Variants in PPP2R2B observed in about 807,000 individuals in gnomAD.
PPP2R2B encodes serine/threonine-protein phosphatase 2A 55 kDa regulatory subunit B beta isoform.
PPP2R2B carries 5 observed loss-of-function variants against 46.0 expected under a neutral mutation model. The observed-to-expected ratio is 0.11, with a 90% CI of 0.06 to 0.23. The LOEUF (loss-of-function observed/expected upper bound fraction) is 0.23, where lower values mean the gene tolerates loss of function less well. Ranked by LOEUF, PPP2R2B falls within the 10% of genes least tolerant of loss-of-function variation. The probability of loss-of-function intolerance (pLI) is 1.00; values close to 1 mark genes in which losing one functional copy is unlikely to be tolerated. For synonymous variants in PPP2R2B, 215 were observed against 206.7 expected (o/e 1.04, Z -0.34); for missense variants, 367 against 575.0 (o/e 0.64, Z 3.70).
chr5:146,780,552 A>G (rs1159652387), intron 2 of PPP2R2B, among the ~76,000 whole-genome samples: 1 of 152,204 alleles, frequency 6.6e-6, no homozygotes, highest in Non-Finnish European at 1.5e-5. Context: ...TACATTTTCT[A>G]CAATTATCTT....
intron 2 of PPP2R2B, among the ~76,000 whole-genome samples, chr5:146,804,185 T>A (rs974956503): frequency 4.0e-5 from 6 of 151,830 alleles, no homozygotes; most frequent in Admixed American, 3.3e-4. Flanking sequence ...AAAATTATAT[T>A]ATATAATTAT....
intron 1 of PPP2R2B, among the ~76,000 whole-genome samples, chr5:146,922,925 TA>T (rs1763656222): frequency 6.6e-6 from 1 of 152,120 alleles, no homozygotes. Context: ...TGTAGAACAA[TA>T]AAGATCCGGA....
chr5:146,928,079 A>T (rs535841384), intron 1 of PPP2R2B, among the ~76,000 whole-genome samples: 2 of 152,212 alleles, frequency 1.3e-5, no homozygotes, highest in East Asian at 3.9e-4. Flanking sequence ...AATTCATCGC[A>T]CTATCTGCTG....
chr5:146,643,492 G>C (rs1018925069), intron 6 of PPP2R2B, among the ~76,000 whole-genome samples: 7 of 152,222 alleles, frequency 4.6e-5, no homozygotes, highest in Non-Finnish European at 1.0e-4. Context: ...AGATTGAATA[G>C]AAGGAAGGTT....
intron 7 of PPP2R2B, among the ~76,000 whole-genome samples, chr5:146,636,103 C>G (rs1353853568): frequency 1.3e-5 from 2 of 152,148 alleles, no homozygotes; most frequent in African/African-American, 4.8e-5. Context: ...TCTAACTTTC[C>G]TACCTTTATT....
intron 2 of PPP2R2B, among the ~76,000 whole-genome samples, chr5:146,720,830 C>G (rs994276029): frequency 1.3e-5 from 2 of 152,124 alleles, no homozygotes; most frequent in African/African-American, 4.8e-5. Flanking sequence ...GTAAAGAAGA[C>G]TTCACTCTCT....
In PPP2R2B at chr5:146,878,395, G is replaced by A; in HGVS notation, c.-125+196C>T. On this transcript the variant is annotated intron_variant, in intron 1 of 9. Transcript: ENST00000394411. This position sits in a 1 kb window ranked among gnomAD's most constrained non-coding sequence, Gnocchi z 4.5. Reference sequence around the variant, plus strand: ...AGATACGCCGTGCCCCGAGGGGTCTGGTCCCGCCCGCCCGCCCCGGAGGCG... The same window carrying A: ...AGATACGCCGTGCCCCGAGGGGTCTAGTCCCGCCCGCCCGCCCCGGAGGCG... 7.0e-7 allele frequency: 1 copy of A among 1,424,950 alleles called. No homozygotes were observed. Among genetic ancestry groups the A allele is most frequent in the Non-Finnish European group, 9.1e-7 (1 of 1,094,900 alleles). The allele number at this position is 1,424,950 out of a possible 1,614,324, so 88.3% of individuals were successfully genotyped here.
Position 146,837,337 on chromosome 5 carries a change from CAGA to C in PPP2R2B, c.70+40662_70+40664del, listed in dbSNP as rs929310908. ...GTAGGCTAGGCTTAGTTATGATTTT[CAGA>C]AGATTACGTGTATTAAATGCATTTT... On this transcript the variant is annotated intron_variant, in intron 2 of 9. Coordinates refer to ENST00000394411, the MANE Select transcript of PPP2R2B (RefSeq NM_181675.4). Among the ~76,000 whole-genome samples, 11 of 152,308 alleles carry C rather than the reference CAGA, an allele frequency of 7.2e-5. No individual in the cohort carries two copies. The East Asian group carries it at 1.9e-3, about 27-fold the overall frequency.
chr5:147,067,638 A>T (rs1757453802), intron 2 of PPP2R2B, among the ~76,000 whole-genome samples: 1 of 152,286 alleles, frequency 6.6e-6, no homozygotes, highest in South Asian at 2.1e-4. Flanking sequence ...ACATAACTTC[A>T]TTCTGTCTGT....
chr5:146,772,435 T>C (rs1336247138), intron 2 of PPP2R2B, among the ~76,000 whole-genome samples: 1 of 137,490 alleles, frequency 7.3e-6, no homozygotes, highest in African/African-American at 2.7e-5. Flanking sequence ...TATATATACT[T>C]ATTTCTAAAT....
intron 7 of PPP2R2B, among the ~76,000 whole-genome samples, chr5:146,608,098 G>A (rs112582641): frequency 2.9e-3 from 440 of 152,312 alleles, no homozygotes; most frequent in African/African-American, 0.01. Flanking sequence ...TTGGCTGTAT[G>A]CCATAGTTTG....
chr5:147,013,363 T>C (rs1754835542), intron 1 of PPP2R2B, among the ~76,000 whole-genome samples: 1 of 91,588 alleles, frequency 1.1e-5, no homozygotes, highest in African/African-American at 3.3e-5. Context: ...ATGCCTTTCT[T>C]CACAGAATTG....
rs145747835 is a variant in PPP2R2B, at chr5:146,900,554, T to TCTTCCTTCCTTC, written c.79+155099_79+155110dup. Among the ~76,000 whole-genome samples, 9 of 110,140 alleles carry TCTTCCTTCCTTC rather than the reference T, an allele frequency of 8.2e-5. No homozygotes were observed. In the South Asian group the frequency reaches 1.1e-3, roughly 13 times the overall value. 72.3% of individuals were successfully genotyped at this position (110,140 alleles called of 152,430 possible). On this transcript the variant is annotated intron_variant, in intron 1 of 8. Transcript: ENST00000336640. ...TCCTTTCCTTTCTTTTTCCTTCCTT[T>TCTTCCTTCCTTC]CTTCCTTCCTTCCTTCCTTCCTTCC... is the stretch of plus-strand genomic sequence containing the variant.
chr5:146,809,096 T>C (rs1176013800), intron 2 of PPP2R2B, among the ~76,000 whole-genome samples: 1 of 152,018 alleles, frequency 6.6e-6, no homozygotes, highest in Non-Finnish European at 1.5e-5. Context: ...TTATGTATTG[T>C]ATGGATCCAA....
intron 2 of PPP2R2B, among the ~76,000 whole-genome samples, chr5:146,816,420 T>C (rs1757936917): frequency 6.6e-6 from 1 of 152,174 alleles, no homozygotes; most frequent in Non-Finnish European, 1.5e-5. Context: ...TACTGAAACA[T>C]TTTGGAAAAG....
intron 1 of PPP2R2B, among the ~76,000 whole-genome samples, chr5:146,992,138 A>C (rs925557843): frequency 2.6e-5 from 4 of 152,212 alleles, no homozygotes; most frequent in African/African-American, 4.8e-5. Context: ...AAGTTATAGT[A>C]ATCAAAACAG....
intron 1 of PPP2R2B, among the ~76,000 whole-genome samples, chr5:146,893,616 C>T (rs1172845804): frequency 6.6e-6 from 1 of 151,960 alleles, no homozygotes; most frequent in East Asian, 1.9e-4. Flanking sequence ...GGTCAGGAGA[C>T]CGGCCTGGCC....
rs920818985 is a variant in PPP2R2B at position 147,081,283 on chromosome 5, C to T, written c.-55G>A. 86 of 1,535,520 alleles carry T rather than the reference C, an allele frequency of 5.6e-5. No homozygotes were observed. In the African/African-American group the frequency reaches 9.2e-4, roughly 16 times the overall value. On this transcript the variant is annotated 5_prime_UTR_variant, in exon 1 of 11. Coordinates refer to the PPP2R2B transcript ENST00000394413. Reference sequence around the variant, plus strand: ...AGGTATCATCTCGTCAGAGAAGAGACCCTAGTGAGTCCTGAGAGGACGGTC... The same window carrying T: ...AGGTATCATCTCGTCAGAGAAGAGATCCTAGTGAGTCCTGAGAGGACGGTC...
At position 147,050,671 on chromosome 5, in the gene PPP2R2B, A is replaced by AACAC. The variant is rs10631399; in HGVS notation, c.79+4990_79+4993dup. 3.4e-3 allele frequency among the ~76,000 whole-genome samples: 512 copies of AACAC among 150,068 alleles called. 4 individuals carry two copies. The highest frequency in any genetic ancestry group is 9.0e-3 in the African/African-American group (367 of 40,990). ...TGACCTTATAGAATTGTTAGGGATA[A>AACAC]ACACACACACACACACACGCATCCA... On this transcript the variant is annotated intron_variant, in intron 1 of 8. Transcript: ENST00000336640.
Sources: allele counts gnomAD v4.1 joint callset (sites outside exome capture counted in the v4.1 genomes callset), GRCh38; gene constraint gnomAD v4.1.1; non-coding constraint Gnocchi (gnomAD v3.1); transcripts MANE v1.5; gene names NCBI Gene and HGNC (gene_info 2026-07-23, HGNC 2026-07-21).